Variants in CHRM5 observed in about 807,000 individuals in gnomAD.
The protein encoded by CHRM5 is cholinergic receptor muscarinic 5.
CHRM5 carries 18 observed loss-of-function variants against 39.0 expected under a neutral mutation model. The observed-to-expected ratio is 0.46, with a 90% CI of 0.32 to 0.68. The LOEUF is 0.68. Ranked by LOEUF, CHRM5 falls within the 30% of genes least tolerant of loss-of-function variation. The pLI, the probability that CHRM5 is intolerant of heterozygous loss-of-function variation, is 0.04. For synonymous variants in CHRM5, 241 were observed against 246.3 expected (o/e 0.98, Z 0.20); for missense variants, 515 against 651.1 (o/e 0.79, Z 2.28).
intron 1 of CHRM5, among the ~76,000 whole-genome samples, chr15:33,992,355 A>C (rs1310119280): frequency 1.3e-5 from 2 of 151,752 alleles, no homozygotes; most frequent in Admixed American, 6.6e-5. Context: ...GCGCCACTGC[A>C]CTCCAGCCTG....
At chr15:34,048,393 G>A (rs1314307337) in intron 2 of CHRM5, among the ~76,000 whole-genome samples, 1 of 151,662 alleles carries the variant, frequency 6.6e-6, no homozygotes, top group Non-Finnish European at 1.5e-5. Context: ...GTCCTGACAA[G>A]GAAGGGTCCC....
At chr15:34,002,142 AC>A (rs1270102680) in intron 1 of CHRM5, among the ~76,000 whole-genome samples, 6 of 152,210 alleles carry the variant, frequency 3.9e-5, no homozygotes, top group African/African-American at 1.4e-4. Context: ...TGAAACTGAT[AC>A]AATCTGCCAA....
intron 1 of CHRM5, chr15:34,039,006 C>T (rs1473284007): frequency 1.8e-6 from 2 of 1,121,796 alleles, no homozygotes; most frequent in East Asian, 5.6e-5. Context: ...GCGGCCTGGC[C>T]GCCGCCCACG....
intron 1 of CHRM5, among the ~76,000 whole-genome samples, chr15:34,043,616 A>G (rs1034676007): frequency 6.6e-6 from 1 of 152,174 alleles, no homozygotes; most frequent in Non-Finnish European, 1.5e-5. Context: ...GGTGGAGAAA[A>G]GGGAAAGTGA....
chr15:33,973,155 G>A (rs1005987158), intron 1 of CHRM5, among the ~76,000 whole-genome samples: 3 of 152,124 alleles, frequency 2.0e-5, no homozygotes, highest in Non-Finnish European at 2.9e-5. Flanking sequence ...ATTGTTTGAC[G>A]TCACACTGTT....
At chr15:34,016,661 A>G (rs921883040) in intron 1 of CHRM5, among the ~76,000 whole-genome samples, 2 of 152,218 alleles carry the variant, frequency 1.3e-5, no homozygotes, top group Admixed American at 1.3e-4. Context: ...GCCTGCTTGT[A>G]TGCTATGGAG....
chr15:33,995,529 T>C (rs1024765987), intron 1 of CHRM5, among the ~76,000 whole-genome samples: 2 of 152,162 alleles, frequency 1.3e-5, no homozygotes, highest in East Asian at 1.9e-4. Flanking sequence ...CCCTCTTGGA[T>C]ACCAAGGGAA....
Position 34,065,467 on chromosome 15 carries a change from G to A in CHRM5, c.*1151G>A, listed in dbSNP as rs1226078547. On this transcript the variant is annotated 3_prime_UTR_variant, in exon 3 of 3. Transcript: ENST00000383263. ...AGCAGGGGGTTGTGGGGTGAGGTGG[G>A]GGTAGAAAGTCTTTTTTTATAGGTC... The A allele has an allele frequency of 2.6e-5, 4 of 152,132 alleles. No homozygotes were observed. Among genetic ancestry groups the A allele is most frequent in the African/African-American group, 7.2e-5 (3 of 41,424 alleles). The allele number at this position is 152,132 out of a possible 1,614,324, so 9.4% of individuals were successfully genotyped here.
At position 34,064,118 on chromosome 15, in the gene CHRM5, C is replaced by A. The variant is rs749089359; in HGVS notation, c.1401C>A (p.Phe467Leu). The change falls in exon 3 of 3, where the codon TTC becomes TTA. Residue 467 changes from phenylalanine (F) to leucine (L), a missense_variant. Transcript: ENST00000383263. Reference sequence around the variant, plus strand: ...ACATCATGGTCCTGGTTTCTACCTTCTGTGACAAGTGTGTCCCAGTCACCC... The same window carrying A: ...ACATCATGGTCCTGGTTTCTACCTTATGTGACAAGTGTGTCCCAGTCACCC... The part of the protein sequence containing the change: ...PYNIMVLVST[F>L]CDKCVPVTLW... The A allele has an allele frequency of 1.5e-5, 25 of 1,614,206 alleles. No homozygotes were observed. Among genetic ancestry groups the A allele is most frequent in the Non-Finnish European group, 2.0e-5 (24 of 1,180,040 alleles).
At chr15:33,983,435 C>T (rs1408091526) in intron 1 of CHRM5, among the ~76,000 whole-genome samples, 1 of 151,792 alleles carries the variant, frequency 6.6e-6, no homozygotes, top group Admixed American at 6.6e-5. Flanking sequence ...GGGTCAATGA[C>T]ACAAGAATAG....
chr15:34,049,645 C>A (rs969134342), intron 2 of CHRM5, among the ~76,000 whole-genome samples: 1 of 152,068 alleles, frequency 6.6e-6, no homozygotes, highest in African/African-American at 2.4e-5. Context: ...CCCAACCTAG[C>A]AAGTCAGGCC....
intron 1 of CHRM5, among the ~76,000 whole-genome samples, chr15:34,029,041 C>T (rs1380899209): frequency 6.6e-6 from 1 of 152,104 alleles, no homozygotes; most frequent in Admixed American, 6.6e-5. Flanking sequence ...AACTCTTCAC[C>T]TCTAATCCTC....
chr15:34,051,785 C>T (rs183048153), intron 2 of CHRM5, among the ~76,000 whole-genome samples: 1 of 151,986 alleles, frequency 6.6e-6, no homozygotes, highest in Admixed American at 6.5e-5. Context: ...CAAGACTGAA[C>T]CAAGAAGAAA....
At chr15:34,030,247 G>A (rs1482151347) in intron 1 of CHRM5, among the ~76,000 whole-genome samples, 2 of 152,088 alleles carry the variant, frequency 1.3e-5, no homozygotes, top group Non-Finnish European at 2.9e-5. Context: ...GAGTGAGTGA[G>A]ACTTCATCTC....
intron 1 of CHRM5, among the ~76,000 whole-genome samples, chr15:34,039,428 CGTAT>C (rs1899367662): frequency 6.6e-6 from 1 of 151,648 alleles, no homozygotes; most frequent in African/African-American, 2.4e-5. Flanking sequence ...AAAGTTTAAA[CGTAT>C]GTATTTGCAT....
intron 1 of CHRM5, among the ~76,000 whole-genome samples, chr15:33,986,986 A>T (rs1896505294): frequency 6.6e-6 from 1 of 152,230 alleles, no homozygotes; most frequent in Non-Finnish European, 1.5e-5. Flanking sequence ...AAATAAACAG[A>T]TAAAATATAG....
intron 1 of CHRM5, among the ~76,000 whole-genome samples, chr15:34,020,402 G>A (rs1232486349): frequency 6.6e-6 from 1 of 152,192 alleles, no homozygotes; most frequent in East Asian, 1.9e-4. Context: ...CAAGTTGGTT[G>A]CACAATATAA....
intron 1 of CHRM5, among the ~76,000 whole-genome samples, chr15:33,984,938 G>T (rs1164020511): frequency 6.6e-6 from 1 of 152,036 alleles, no homozygotes; most frequent in African/African-American, 2.4e-5. Context: ...CTACCCTCAA[G>T]AGATGAACCA....
intron 1 of CHRM5, among the ~76,000 whole-genome samples, chr15:34,017,473 A>ATTTTTTTTTGTTTTTT (rs1897967722): frequency 9.9e-6 from 1 of 101,452 alleles, no homozygotes. Context: ...TTTCAGTATG[A>ATTTTTTTTTGTTTTTT]TTTTTTTTTT....
Sources: gnomAD v4.1 joint callset for allele counts (sites outside exome capture counted in the v4.1 genomes callset) on GRCh38, gnomAD v4.1.1 for gene constraint, MANE v1.5 for transcripts, NCBI Gene and HGNC (gene_info 2026-07-23, HGNC 2026-07-21) for gene names.